Variants in VWDE observed in about 807,000 individuals in gnomAD.
The protein encoded by VWDE is von Willebrand factor D and EGF domain-containing protein.
A neutral mutation model predicts 178.4 loss-of-function variants in VWDE; 207 were observed. That is an observed-to-expected ratio of 1.16 (90% CI 1.04 to 1.30). VWDE has a LOEUF of 1.30. Among genes scored for constraint, VWDE ranks in the 50% most tolerant of loss-of-function variants. The pLI is 0.00. For missense variants in VWDE, 2,287 were observed against 1,901.3 expected, an observed-to-expected ratio of 1.20 and a Z score of -3.77; for synonymous variants, 738 against 651.4, an observed-to-expected ratio of 1.13 and a Z score of -2.02.
At chr7:12,356,800 A>C (rs1392927120) in intron 17 of VWDE, among the ~76,000 whole-genome samples, 2 of 152,238 alleles carry the variant, frequency 1.3e-5, no homozygotes, top group East Asian at 3.8e-4. Context: ...AGGGTTTCTA[A>C]GTATTAAGTG....
chr7:12,377,752 G>A (rs750027881), intron 7 of VWDE, 24 bp downstream of exon 7: 8 of 1,363,264 alleles, frequency 5.9e-6, no homozygotes, highest in Non-Finnish European at 7.8e-6. Context: ...CTAATAATAA[G>A]ATAAAATAAA....
chr7:12,362,672 A>G (rs1251355592), intron 13 of VWDE, among the ~76,000 whole-genome samples: 4 of 152,102 alleles, frequency 2.6e-5, no homozygotes, highest in Non-Finnish European at 2.9e-5. Flanking sequence ...ATGCTTCAAT[A>G]TTGTGGGTCA....
chr7:12,378,765 T>C (rs1044158463), intron 6 of VWDE, among the ~76,000 whole-genome samples: 4 of 152,208 alleles, frequency 2.6e-5, no homozygotes, highest in African/African-American at 9.6e-5. Context: ...TGGTTCCTAC[T>C]GTGTGTACAT....
intron 9 of VWDE, among the ~76,000 whole-genome samples, chr7:12,373,496 C>G (rs1310843494): frequency 4.6e-5 from 7 of 151,604 alleles, no homozygotes; most frequent in African/African-American, 1.7e-4. Context: ...TGCACGTGAC[C>G]ATCTCCCTCA....
chr7:12,362,550 G>T (rs760812848), intron 13 of VWDE, among the ~76,000 whole-genome samples: 1 of 151,970 alleles, frequency 6.6e-6, no homozygotes, highest in Non-Finnish European at 1.5e-5. Flanking sequence ...GGATAACTAC[G>T]TAGGAAACCA....
chr7:12,379,647 AT>A, intron 5 of VWDE, 81 bp from the exon 6 acceptor site: 1 of 982,248 alleles, frequency 1.0e-6, no homozygotes, highest in Admixed American at 2.7e-5. Flanking sequence ...AAAATCCTAA[AT>A]TTAATTCTTC....
At chr7:12,397,223 C>A (rs1425788734) in intron 1 of VWDE, among the ~76,000 whole-genome samples, 1 of 152,060 alleles carries the variant, frequency 6.6e-6, no homozygotes, top group African/African-American at 2.4e-5. Context: ...AAAACAGACA[C>A]ACAGACCAAT....
Position 12,375,103 on chromosome 7 carries a change from A to C in VWDE, c.1149T>G (p.Phe383Leu), listed in dbSNP as rs1443672277. ...TTGAGACTCTATCTCCATCTCGAGA[A>C]AAATCTGTGACAGCAGTGTAGTACA... ...TFVYYTAVTD[F>L]SRDGDRVSNI... is the part of the protein sequence containing the mutation. The change falls in exon 8 of 29, where the codon TTT (phenylalanine) becomes TTG (leucine). Residue 383 changes from phenylalanine to leucine, a missense_variant. Physicochemically the swap from Phe to Leu is conservative, Grantham distance 22 (BLOSUM62 0). Coordinates refer to ENST00000275358, the MANE Select transcript of VWDE (RefSeq NM_001135924.3). 1 of 1,551,306 alleles carries C rather than the reference A, an allele frequency of 6.4e-7. No homozygotes were observed. The highest frequency in any genetic ancestry group is 1.2e-5 in the South Asian group (1 of 84,060).
chr7:12,332,289 C>T (rs923998512), intron 28 of VWDE, among the ~76,000 whole-genome samples: 5 of 152,086 alleles, frequency 3.3e-5, no homozygotes, highest in Non-Finnish European at 5.9e-5. Flanking sequence ...ATATTGTCCT[C>T]ATGCTTAGCC....
intron 18 of VWDE, among the ~76,000 whole-genome samples, chr7:12,352,593 C>T (rs1166591040): frequency 1.3e-5 from 2 of 152,158 alleles, no homozygotes; most frequent in Non-Finnish European, 2.9e-5. Context: ...ACGGCTAGAT[C>T]ACTTATTACA....
At chr7:12,332,838 G>C (rs1156505571) in intron 28 of VWDE, among the ~76,000 whole-genome samples, 2 of 152,036 alleles carry the variant, frequency 1.3e-5, no homozygotes, top group African/African-American at 4.8e-5. Flanking sequence ...GTCAAATTCT[G>C]GTACTCCAGC....
At chr7:12,358,040 T>C (rs138458628) in intron 16 of VWDE, among the ~76,000 whole-genome samples, 1 of 152,276 alleles carries the variant, frequency 6.6e-6, no homozygotes, top group East Asian at 1.9e-4. Context: ...CATCTTCTGA[T>C]CCTCAGAGGT....
Position 12,370,830 on chromosome 7 carries a change from T to C in VWDE, c.1622A>G (p.Asp541Gly). 6.5e-7 allele frequency: 1 copy of C among 1,548,004 alleles called. No homozygotes were observed. Among genetic ancestry groups the C allele is most frequent in the South Asian group, 1.2e-5 (1 of 82,908 alleles). ...TAGACTCATGCCCCATTCACCAAGA[T>C]CAGCACGGATAAATGCCCCAGAAGA... Reference protein sequence around the residue: ...WFSSGAFIRADLGEWGMSLTI... With the variant: ...WFSSGAFIRAGLGEWGMSLTI... Residue 541 changes from aspartate (D) to glycine (G), a missense_variant, in exon 11 of 29, where the codon GAT becomes GGT. Coordinates refer to ENST00000275358, the MANE Select transcript of VWDE (RefSeq NM_001135924.3).
chr7:12,399,534 A>C (rs1435601575), intron 1 of VWDE, among the ~76,000 whole-genome samples: 2 of 152,198 alleles, frequency 1.3e-5, no homozygotes, highest in African/African-American at 4.8e-5. Context: ...CAGGCAGCAT[A>C]ATATAAATTA....
chr7:12,332,041 T>C (rs1780750882), intron 28 of VWDE, among the ~76,000 whole-genome samples: 1 of 152,040 alleles, frequency 6.6e-6, no homozygotes, highest in South Asian at 2.1e-4. Flanking sequence ...AACCCTCCTT[T>C]GGGGAAGGTA....
intron 19 of VWDE, among the ~76,000 whole-genome samples, chr7:12,347,111 A>C (rs913009973): frequency 1.3e-5 from 2 of 152,152 alleles, no homozygotes; most frequent in African/African-American, 4.8e-5. Context: ...AAATACAGCA[A>C]AAGTGCCCTG....
chr7:12,356,656 G>A (rs73678110), intron 17 of VWDE, among the ~76,000 whole-genome samples: 2,602 of 152,172 alleles, frequency 0.017, 64 homozygotes, highest in African/African-American at 0.06. Context: ...TAATCACCTG[G>A]GTTATTCACA....
chr7:12,358,077 A>G (rs949659372), intron 16 of VWDE, among the ~76,000 whole-genome samples: 1 of 152,112 alleles, frequency 6.6e-6, no homozygotes, highest in East Asian at 1.9e-4. Flanking sequence ...TGCACACACT[A>G]AAAAAGAGGC....
chr7:12,361,310 G>GA, intron 14 of VWDE, 56 bp downstream of exon 14: 1 of 1,536,336 alleles, frequency 6.5e-7, no homozygotes, highest in South Asian at 1.2e-5. Flanking sequence ...AATTCATTAT[G>GA]AAATGTTAAG....
Sources: allele counts gnomAD v4.1 joint callset (sites outside exome capture counted in the v4.1 genomes callset), GRCh38; gene constraint gnomAD v4.1.1; transcripts MANE v1.5; gene names NCBI Gene and HGNC (gene_info 2026-07-23, HGNC 2026-07-21).